NFE2L1: variants seen among roughly 807,000 people sequenced by gnomAD.
NFE2L1 encodes NFE2 like bZIP transcription factor 1.
NFE2L1 carries 18 observed loss-of-function variants against 61.6 expected under a neutral mutation model. That is an observed-to-expected ratio of 0.29 (90% CI 0.20 to 0.43). NFE2L1 has a LOEUF of 0.43. NFE2L1 is among the 20% of genes least tolerant of loss of function. The pLI is 1.00. For synonymous variants in NFE2L1, 419 were observed against 402.7 expected (o/e 1.04, Z -0.48); for missense variants, 827 against 973.5 (o/e 0.85, Z 2.00).
chr17:48,059,632 G>A lies in NFE2L1; in HGVS notation c.2310G>A (p.Arg770=), dbSNP rs766840462. 4 of 1,552,414 alleles carry A rather than the reference G, an allele frequency of 2.6e-6. No homozygotes were observed. The South Asian group carries it at 4.9e-5, about 19-fold the overall frequency. ...GGCAGGAGAGGAAGCCAAAGGACCG[G>A]AGAAAGTGAGCCTGGGGAAGAAGGG... ...ARRQERKPKD[R]RK is the part of the protein sequence containing the mutation. The change falls in exon 6 of 6, where the codon CGG becomes CGA. Residue 770 remains arginine (R), a synonymous_variant. Coordinates refer to ENST00000362042, the MANE Select transcript of NFE2L1 (RefSeq NM_003204.3). This position sits in a 1 kb window ranked among gnomAD's most constrained non-coding sequence, Gnocchi z 6.1.
At chr17:48,052,492 G>C (rs1002770786) in intron 2 of NFE2L1, among the ~76,000 whole-genome samples, 1 of 152,186 alleles carries the variant, frequency 6.6e-6, no homozygotes, top group Non-Finnish European at 1.5e-5. Context: ...GAGAAAGCCC[G>C]ATTGGGTTTT....
At chr17:48,049,374 C>T (rs2037184329) in intron 1 of NFE2L1, among the ~76,000 whole-genome samples, 1 of 152,046 alleles carries the variant, frequency 6.6e-6, no homozygotes. Context: ...TCCTTTTTTT[C>T]TTTCCTTTTC....
At chr17:48,051,652 G>T in intron 2 of NFE2L1, 24 bp downstream of exon 2, 2 of 1,592,238 alleles carry the variant, frequency 1.3e-6, no homozygotes, top group Non-Finnish European at 1.7e-6. Context: ...TGGTGGGTGT[G>T]TGGGGCCTGG....
Position 48,056,509 on chromosome 17 carries a change from G to A in NFE2L1, c.634G>A (p.Glu212Lys), listed in dbSNP as rs769249434. 40 of 1,614,072 alleles carry A rather than the reference G, an allele frequency of 2.5e-5. No homozygotes were observed. Among genetic ancestry groups the A allele is most frequent in the East Asian group, 1.1e-4 (5 of 44,902 alleles). ...DVEKELRDGG[E>K]QDTWAGEGAE... ...GGAGAAGGAGCTGCGAGATGGAGGC[G>A]AGCAGGACACCTGGGCAGGCGAGGG... Residue 212 changes from glutamate (E) to lysine (K), a missense_variant, in exon 3 of 6, where the codon GAG (glutamate) becomes AAG (lysine). Glu to Lys is a moderately conservative substitution (Grantham distance 56). This residue lies in a region of NFE2L1 where 667 missense variants were observed against 748.4 expected (regional missense o/e 0.89). Transcript: ENST00000362042.
chr17:48,049,011 G>A (rs2023885), intron 1 of NFE2L1: 17,157 of 152,548 alleles, frequency 0.11, 1,062 homozygotes, highest in East Asian at 0.22. Flanking sequence ...AGCGTAAGCA[G>A]GAATTCTGGG....
chr17:48,058,154 G>A, intron 5 of NFE2L1, 141 bp from the exon 6 acceptor site: 4 of 1,210,340 alleles, frequency 3.3e-6, no homozygotes, highest in Non-Finnish European at 4.4e-6. Context: ...GCTGGGTCAG[G>A]AGCTGACACT....
In NFE2L1 at chr17:48,058,831, CTCTTCCTCT is replaced by C. The variant is rs761495352; in HGVS notation, c.1519_1527del (p.Ser507_Ser509del). 25 of 1,613,820 alleles carry C rather than the reference CTCTTCCTCT, an allele frequency of 1.5e-5. No homozygotes were observed. Among genetic ancestry groups the C allele is most frequent in the African/African-American group, 1.1e-4 (8 of 74,936 alleles). ...GCAGTTCTTCCTCTTCTTCCTCCTC[CTCTTCCTCT>C]TCTTCCTCTGCTTCTTCCTCTGCCT... is the stretch of plus-strand genomic sequence containing the variant. On this transcript the variant is annotated inframe_deletion, in exon 6 of 6. Coordinates refer to ENST00000362042, the MANE Select transcript of NFE2L1 (RefSeq NM_003204.3).
intron 1 of NFE2L1, among the ~76,000 whole-genome samples, chr17:48,050,159 G>T (rs200863134): frequency 6.6e-6 from 1 of 152,142 alleles, no homozygotes; most frequent in Admixed American, 6.5e-5. Flanking sequence ...TTTTCTGAGA[G>T]TGTAAGTAGT....
In NFE2L1 at chr17:48,059,276, C is replaced by A; in HGVS notation, c.1954C>A (p.Leu652Met). The A allele has an allele frequency of 6.2e-7, 1 of 1,614,220 alleles. No homozygotes were observed. The highest frequency in any genetic ancestry group is 1.3e-5 in the African/African-American group (1 of 75,054). Residue 652 changes from leucine to methionine, a missense_variant, in exon 6 of 6, where the codon CTG (leucine) becomes ATG (methionine). Leu to Met is a conservative substitution (Grantham distance 15). This residue lies in a region of NFE2L1 where 74 missense variants were observed against 127.8 expected (regional missense o/e 0.58). Transcript: ENST00000362042. This position sits in a 1 kb window ranked among gnomAD's most constrained non-coding sequence, Gnocchi z 6.1. ...LSKYQLSEAQ[L>M]SLIRDIRRRG... is the part of the protein sequence containing the mutation. ...CAAATACCAGTTGAGTGAAGCCCAGCTGAGCCTCATCCGAGACATCCGGCG... is the reference window on the plus strand; with the variant it reads ...CAAATACCAGTTGAGTGAAGCCCAGATGAGCCTCATCCGAGACATCCGGCG...
intron 2 of NFE2L1, among the ~76,000 whole-genome samples, chr17:48,052,727 T>C (rs983134731): frequency 2.0e-5 from 3 of 152,152 alleles, no homozygotes; most frequent in Non-Finnish European, 2.9e-5. Flanking sequence ...GGCAATATCG[T>C]GAAACAGTTT....
In NFE2L1 at chr17:48,060,862, G is replaced by A. The variant is rs1348142186; in HGVS notation, c.*1221G>A. 1 of 152,650 alleles carries A rather than the reference G, an allele frequency of 6.6e-6. No individual in the cohort carries two copies. Among genetic ancestry groups the A allele is most frequent in the African/African-American group, 2.4e-5 (1 of 41,450 alleles). The allele number at this position is 152,650 out of a possible 1,614,324, so 9.5% of individuals were successfully genotyped here. Reference sequence around the variant, plus strand: ...GCTTGTGCCCTGTTTCACTTATAGGGTCTAGAATGCTTGTGTTGAGTAAAA... The same window carrying A: ...GCTTGTGCCCTGTTTCACTTATAGGATCTAGAATGCTTGTGTTGAGTAAAA... On this transcript the variant is annotated 3_prime_UTR_variant, in exon 6 of 6. Coordinates refer to ENST00000362042, the MANE Select transcript of NFE2L1 (RefSeq NM_003204.3).
In NFE2L1 at chr17:48,051,042, C is replaced by A; in HGVS notation, c.-77C>A. On this transcript the variant is annotated 5_prime_UTR_variant, in exon 2 of 6. Coordinates refer to ENST00000362042, the MANE Select transcript of NFE2L1 (RefSeq NM_003204.3). ...GAGGAGGGTAACCTGCTGGCTGGAG[C>A]GGCAGAGCAGTGGCCTTGATTTGTC... is the stretch of plus-strand genomic sequence containing the variant. The A allele has an allele frequency of 6.4e-7, 1 of 1,569,854 alleles. No individual in the cohort carries two copies. Among genetic ancestry groups the A allele is most frequent in the Non-Finnish European group, 8.7e-7 (1 of 1,148,450 alleles).
rs1019080927 is a variant in NFE2L1, at chr17:48,060,224, C to A, written c.*583C>A. ...GACACAGGGTGGGGGTGGGGAGGGA[C>A]GGTGTTAACTCTTTCTGCTCCTTGC... is the stretch of plus-strand genomic sequence containing the variant. On this transcript the variant is annotated 3_prime_UTR_variant, in exon 6 of 6. Coordinates refer to ENST00000362042, the MANE Select transcript of NFE2L1 (RefSeq NM_003204.3). The A allele has an allele frequency of 6.6e-6, 1 of 151,616 alleles. No homozygotes were observed. 9.4% of individuals were successfully genotyped at this position (151,616 alleles called of 1,614,324 possible).
chr17:48,056,428 C>T lies in NFE2L1; in HGVS notation c.553C>T (p.Leu185=). ...IDILWRQDID[L]GAGREVFDYS... is the part of the protein sequence containing the mutation. ...CATCCTTTGGCGACAGGATATTGATCTGGGGGCTGGGCGTGAGGTTTTTGA... is the reference window on the plus strand; with the variant it reads ...CATCCTTTGGCGACAGGATATTGATTTGGGGGCTGGGCGTGAGGTTTTTGA... The change falls in exon 3 of 6, where the codon CTG becomes TTG. Residue 185 remains leucine (L), a synonymous_variant. Transcript: ENST00000362042. The T allele has an allele frequency of 5.0e-6, 8 of 1,614,118 alleles. No individual in the cohort carries two copies. The highest frequency in any genetic ancestry group is 6.8e-6 in the Non-Finnish European group (8 of 1,180,006).
Position 48,060,035 on chromosome 17 carries a change from A to AAGG in NFE2L1, c.*395_*396insGGA, listed in dbSNP as rs2037509756. The stretch of plus-strand genomic sequence containing the variant: ...GAGGGATAGAAGGAAGGAAGGAAGG[A>AAGG]ACCCCCCCCCCCCCGAAAAAAAAAT... On this transcript the variant is annotated 3_prime_UTR_variant, in exon 6 of 6. Transcript: ENST00000362042. The AAGG allele has an allele frequency of 6.2e-5, 2 of 32,506 alleles. No homozygotes were observed. The highest frequency in any genetic ancestry group is 1.2e-4 in the African/African-American group (1 of 8,670). 2.0% of individuals were successfully genotyped at this position (32,506 alleles called of 1,614,324 possible).
chr17:48,061,434 G>A lies in NFE2L1; in HGVS notation c.*1793G>A, dbSNP rs1408659345. The A allele has an allele frequency of 1.3e-5, 2 of 152,152 alleles. No homozygotes were observed. Among genetic ancestry groups the A allele is most frequent in the Admixed American group, 1.3e-4 (2 of 15,266 alleles). The allele number at this position is 152,152 out of a possible 1,614,324, so 9.4% of individuals were successfully genotyped here. A position where few individuals can be genotyped will look rare whatever the true frequency, so the allele number is the denominator to read the frequency against. On this transcript the variant is annotated 3_prime_UTR_variant, in exon 6 of 6. Coordinates refer to ENST00000362042, the MANE Select transcript of NFE2L1 (RefSeq NM_003204.3). ...CTGCCAGGGAGAGGGGAGAGAGAGA[G>A]AGATGCTGTTGAGCACATGACAAAA...
chr17:48,057,413 A>C lies in NFE2L1; in HGVS notation c.883A>C (p.Asn295His), dbSNP rs1467670750. 6.2e-7 allele frequency: 1 copy of C among 1,614,198 alleles called. No individual in the cohort carries two copies. Among genetic ancestry groups the C allele is most frequent in the South Asian group, 1.1e-5 (1 of 91,088 alleles). ...SESEPPALQN[N>H]LLSPLLTGTE... Reference sequence around the variant, plus strand: ...GAGTGAGCCCCCTGCTCTTCAAAACAACCTCTTGTCTCCTCTTCTGACCGG... The same window carrying C: ...GAGTGAGCCCCCTGCTCTTCAAAACCACCTCTTGTCTCCTCTTCTGACCGG... The change falls in exon 5 of 6, where the codon AAC (asparagine) becomes CAC (histidine). Residue 295 changes from asparagine (N) to histidine (H), a missense_variant. Asn to His is a moderately conservative substitution (Grantham distance 68). This residue lies in a region of NFE2L1 where 667 missense variants were observed against 748.4 expected (regional missense o/e 0.89). Coordinates refer to ENST00000362042, the MANE Select transcript of NFE2L1 (RefSeq NM_003204.3).
rs749446615 is a variant in NFE2L1, at chr17:48,058,536, ACTCCACCTTCGG to A, written c.1222_1233del (p.Phe408_Thr411del). The stretch of plus-strand genomic sequence containing the variant: ...GCCCCCAGCAATTCTACCAGCCTCA[ACTCCACCTTCGG>A]CTCCACCAACCTGACAGGGCTCTTC... On this transcript the variant is annotated inframe_deletion, in exon 6 of 6. Transcript: ENST00000362042. 6 of 1,612,690 alleles carry A rather than the reference ACTCCACCTTCGG, an allele frequency of 3.7e-6. No homozygotes were observed. The highest frequency in any genetic ancestry group is 2.2e-5 in the South Asian group (2 of 90,948).
At chr17:48,057,581 A>C in intron 5 of NFE2L1, 79 bp downstream of exon 5, 7 of 1,500,096 alleles carry the variant, frequency 4.7e-6, no homozygotes, top group South Asian at 1.3e-5. Context: ...TTCCATCTCC[A>C]AGGAGAGAAA....
Sources: gnomAD v4.1 joint callset for allele counts (sites outside exome capture counted in the v4.1 genomes callset) on GRCh38, gnomAD v4.1.1 for gene constraint, gnomAD v4.1.1 regional missense constraint, Gnocchi (gnomAD v3.1) non-coding constraint, MANE v1.5 for transcripts, NCBI Gene and HGNC (gene_info 2026-07-23, HGNC 2026-07-21) for gene names.